The following ZNF76 variants were observed in gnomAD, a reference collection of about 807,000 sequenced individuals.
ZNF76 encodes the protein zinc finger protein 76, also known as zinc finger protein 523.
ZNF76 carries 66 observed loss-of-function variants against 66.9 expected under a neutral mutation model. The observed-to-expected ratio is 0.99, with a 90% CI of 0.81 to 1.21. The LOEUF (loss-of-function observed/expected upper bound fraction) is 1.21, where lower values mean the gene tolerates loss of function less well. Among genes scored for constraint, ZNF76 ranks in the 50% most tolerant of loss-of-function variants. The probability of loss-of-function intolerance (pLI) is 0.00; values close to 1 mark genes in which losing one functional copy is unlikely to be tolerated. For missense variants in ZNF76, 729 were observed against 760.3 expected (o/e 0.96, Z 0.48); for synonymous variants, 275 against 296.1 (o/e 0.93, Z 0.73).
intron 4 of ZNF76, 71 bp downstream of exon 4, chr6:35,286,470 A>G (rs1165823200): frequency 2.8e-6 from 4 of 1,425,730 alleles, no homozygotes; most frequent in South Asian, 1.2e-5. Context: ...GCAGGACTGG[A>G]GGATGGGATG....
intron 2 of ZNF76, among the ~76,000 whole-genome samples, chr6:35,283,248 TAC>T (rs937555495): frequency 6.6e-6 from 1 of 152,246 alleles, no homozygotes; most frequent in East Asian, 1.9e-4. Flanking sequence ...AGTGTGCACT[TAC>T]ACACACACAT....
intron 1 of ZNF76, among the ~76,000 whole-genome samples, chr6:35,260,299 A>G (rs1344298520): frequency 6.7e-6 from 1 of 149,996 alleles, no homozygotes. Flanking sequence ...TGGCCCAGTA[A>G]CCCCCCCGAT....
chr6:35,267,135 C>T (rs1401791330), intron 1 of ZNF76, among the ~76,000 whole-genome samples: 1 of 151,886 alleles, frequency 6.6e-6, no homozygotes, highest in Non-Finnish European at 1.5e-5. Context: ...TGTTCTGTCA[C>T]CCAGGCTGGA....
intron 2 of ZNF76, among the ~76,000 whole-genome samples, chr6:35,283,931 G>A (rs1398506406): frequency 6.6e-6 from 1 of 152,164 alleles, no homozygotes; most frequent in South Asian, 2.1e-4. Context: ...ACCCCAAGAA[G>A]ACTCAGTTTG....
intron 2 of ZNF76, among the ~76,000 whole-genome samples, chr6:35,285,586 T>C (rs1789444479): frequency 6.6e-6 from 1 of 152,158 alleles, no homozygotes; most frequent in South Asian, 2.1e-4. Context: ...CACACAGCTG[T>C]TAAGAGGTAG....
intron 2 of ZNF76, 106 bp downstream of exon 2, chr6:35,281,330 C>A: frequency 1.0e-6 from 1 of 980,100 alleles, no homozygotes; most frequent in Non-Finnish European, 1.6e-6. Context: ...CGCCTGCTTA[C>A]CCTTGCCCAC....
At chr6:35,290,845 A>C in intron 7 of ZNF76, 129 bp downstream of exon 7, 1 of 872,076 alleles carries the variant, frequency 1.1e-6, no homozygotes, top group Non-Finnish European at 1.8e-6. Flanking sequence ...TCTGACTTGC[A>C]GGGTGCTCTC....
chr6:35,279,886 C>T (rs1788502108), intron 1 of ZNF76: 1 of 152,114 alleles, frequency 6.6e-6, no homozygotes, highest in African/African-American at 2.4e-5. Flanking sequence ...GGCTGGAATT[C>T]AGTGGTATGA....
At chr6:35,286,971 A>G (rs1287684902) in intron 4 of ZNF76, among the ~76,000 whole-genome samples, 2 of 152,118 alleles carry the variant, frequency 1.3e-5, no homozygotes, top group Non-Finnish European at 2.9e-5. Flanking sequence ...TCTCTGAGGT[A>G]GTGATGCTTG....
chr6:35,280,525 C>CCT (rs1554191564), intron 1 of ZNF76, among the ~76,000 whole-genome samples: 2 of 134,774 alleles, frequency 1.5e-5, no homozygotes, highest in African/African-American at 5.5e-5. Context: ...ATCCCCCCCC[C>CCT]CCCCGCCCTG....
chr6:35,291,941 A>C, intron 9 of ZNF76: 2 of 635,176 alleles, frequency 3.1e-6, no homozygotes, highest in South Asian at 1.9e-5. Context: ...CCAATCTGAA[A>C]GGTATTGCCA....
intron 1 of ZNF76, among the ~76,000 whole-genome samples, chr6:35,277,818 C>T (rs1167106623): frequency 6.6e-6 from 1 of 152,190 alleles, no homozygotes; most frequent in Non-Finnish European, 1.5e-5. Flanking sequence ...GTAGAGCATT[C>T]CAATCAGCGT....
chr6:35,271,957 T>C (rs1443544892), intron 1 of ZNF76, among the ~76,000 whole-genome samples: 1 of 144,038 alleles, frequency 6.9e-6, no homozygotes, highest in East Asian at 2.2e-4. Context: ...AAAGAAAAAT[T>C]AGCTGGGCAT....
intron 1 of ZNF76, among the ~76,000 whole-genome samples, chr6:35,278,439 C>T (rs940081647): frequency 1.3e-5 from 2 of 152,250 alleles, no homozygotes; most frequent in African/African-American, 4.8e-5. Flanking sequence ...GCTCGCCCCT[C>T]AGGGCTGTCA....
rs1791070272 is a variant in ZNF76 at position 35,295,543 on chromosome 6, A to G, written c.*295A>G. 4 of 405,402 alleles carry G rather than the reference A, an allele frequency of 9.9e-6. No homozygotes were observed. Among genetic ancestry groups the G allele is most frequent in the South Asian group, 6.3e-5 (3 of 47,898 alleles). The allele number at this position is 405,402 out of a possible 1,614,324, so 25.1% of individuals were successfully genotyped here. On this transcript the variant is annotated 3_prime_UTR_variant, in exon 14 of 14. Transcript: ENST00000373953. ...GGCGCCCACTCTCCTCCTAAAGAAC[A>G]CCCTTCTGGCCCTCAGTCTGTTCCC...
Position 35,290,367 on chromosome 6 carries a change from C to T in ZNF76, c.534C>T (p.Thr178=), listed in dbSNP as rs148855008. The T allele has an allele frequency of 1.6e-5, 26 of 1,613,982 alleles. No individual in the cohort carries two copies. Among genetic ancestry groups the T allele is most frequent in the East Asian group, 2.2e-5 (1 of 44,900 alleles). The stretch of plus-strand genomic sequence containing the variant: ...AGGGCTGTGGGCGTCTCTACACCAC[C>T]GCTCATCACTTAAAGGTAAGGTTGC... ...GYKGCGRLYT[T]AHHLKVHERA... Residue 178 remains threonine (T), a synonymous_variant, in exon 6 of 14, where the codon ACC becomes ACT. Coordinates refer to ENST00000373953, the MANE Select transcript of ZNF76 (RefSeq NM_003427.5).
At position 35,293,933 on chromosome 6, in the gene ZNF76, G is replaced by C. The variant is rs1450486635; in HGVS notation, c.1494+18G>C. 6.2e-7 allele frequency: 1 copy of C among 1,611,566 alleles called. No homozygotes were observed. The highest frequency in any genetic ancestry group is 1.7e-5 in the Admixed American group (1 of 59,754). ...CGCAGCCCGTATGACCAGGCGGTTTGCTTGGGGTTTCTTATTTTGTCATTC... is the reference window on the plus strand; with the variant it reads ...CGCAGCCCGTATGACCAGGCGGTTTCCTTGGGGTTTCTTATTTTGTCATTC... On this transcript the variant is annotated intron_variant, in intron 12 of 13. Coordinates refer to ENST00000373953, the MANE Select transcript of ZNF76 (RefSeq NM_003427.5).
rs866210561 is a variant in ZNF76 at position 35,272,501 on chromosome 6, G to A, written c.-96-8555G>A. Among the ~76,000 whole-genome samples the A allele has an allele frequency of 7.0e-4, 54 of 77,416 alleles. 1 individual carries two copies. The South Asian group carries it at 0.01, about 14-fold the overall frequency. The allele number at this position is 77,416 out of a possible 152,430, so 50.8% of individuals were successfully genotyped here. ...TGTGTGTGTGTGTGTGTGTGTGTGTGTGTGTGTGTGTATGTATATGCACAT... is the reference window on the plus strand; with the variant it reads ...TGTGTGTGTGTGTGTGTGTGTGTGTATGTGTGTGTGTATGTATATGCACAT... On this transcript the variant is annotated intron_variant, in intron 1 of 13. Coordinates refer to ENST00000373953, the MANE Select transcript of ZNF76 (RefSeq NM_003427.5).
intron 1 of ZNF76, among the ~76,000 whole-genome samples, chr6:35,263,082 C>G (rs1308956150): frequency 6.6e-6 from 1 of 152,228 alleles, no homozygotes. Flanking sequence ...GCGTATGCCC[C>G]TGCTGCTTTC....
Sources: allele counts gnomAD v4.1 joint callset (sites outside exome capture counted in the v4.1 genomes callset), GRCh38; gene constraint gnomAD v4.1.1; transcripts MANE v1.5; gene names NCBI Gene and HGNC (gene_info 2026-07-23, HGNC 2026-07-21).